The following AP1G1 variants were observed in gnomAD, a reference collection of about 807,000 sequenced individuals.
AP1G1 encodes AP-1 complex subunit gamma-1.
In AP1G1, 7 loss-of-function variants were observed where a neutral mutation model predicts 108.3. The ratio of observed to expected loss-of-function variants is 0.06; its 90% CI spans 0.04 to 0.12. The LOEUF (loss-of-function observed/expected upper bound fraction) is 0.12. Among genes scored for constraint, AP1G1 ranks in the 10% least tolerant of loss-of-function variants. The pLI is 1.00. For synonymous variants in AP1G1, 379 were observed against 353.5 expected (o/e 1.07, Z -0.81); for missense variants, 756 against 1,010.7 (o/e 0.75, Z 3.42).
chr16:71,787,571 G>T (rs767590337), intron 2 of AP1G1, among the ~76,000 whole-genome samples: 1 of 152,138 alleles, frequency 6.6e-6, no homozygotes, highest in East Asian at 1.9e-4. Context: ...AATGCTTATC[G>T]CTGAGGAATT....
chr16:71,750,894 C>A (rs188884835), intron 13 of AP1G1, among the ~76,000 whole-genome samples: 1 of 151,598 alleles, frequency 6.6e-6, no homozygotes, highest in Non-Finnish European at 1.5e-5. Context: ...TGGTGGCTCA[C>A]GCCTGTAATC....
chr16:71,774,694 T>C, intron 2 of AP1G1, 102 bp from the exon 3 acceptor site: 11 of 1,227,570 alleles, frequency 9.0e-6, no homozygotes, highest in Non-Finnish European at 1.1e-5. Context: ...TAAAGTAAAG[T>C]ACAAATGTGT....
At chr16:71,763,551 CTT>C (rs2031192013) in intron 9 of AP1G1, among the ~76,000 whole-genome samples, 1 of 152,086 alleles carries the variant, frequency 6.6e-6, no homozygotes, top group African/African-American at 2.4e-5. Flanking sequence ...AAGAACATGA[CTT>C]ATCTCTATGC....
intron 2 of AP1G1, among the ~76,000 whole-genome samples, chr16:71,783,972 T>C (rs757196140): frequency 3.3e-5 from 5 of 152,176 alleles, no homozygotes; most frequent in Non-Finnish European, 5.9e-5. Flanking sequence ...ATTTCTGGGT[T>C]GTGCTTAACC....
At chr16:71,791,496 T>C (rs1417577483) in intron 1 of AP1G1, among the ~76,000 whole-genome samples, 1 of 151,910 alleles carries the variant, frequency 6.6e-6, no homozygotes, top group Non-Finnish European at 1.5e-5. Flanking sequence ...ATGTTGTATG[T>C]AGATAGGGAA....
chr16:71,777,106 C>CAAAAAA (rs57955419), intron 2 of AP1G1, among the ~76,000 whole-genome samples: 9 of 48,054 alleles, frequency 1.9e-4, no homozygotes, highest in East Asian at 1.1e-3. Context: ...CAAACTGTTA[C>CAAAAAA]AAAAAAAAAA....
chr16:71,759,065 G>A (rs1343023561), intron 10 of AP1G1, 144 bp from the exon 11 acceptor site: 3 of 602,816 alleles, frequency 5.0e-6, no homozygotes, highest in Non-Finnish European at 8.6e-6. Flanking sequence ...GAACATAAAA[G>A]TAACATTTCA....
chr16:71,780,510 A>G (rs2031974690), intron 2 of AP1G1, among the ~76,000 whole-genome samples: 1 of 151,694 alleles, frequency 6.6e-6, no homozygotes, highest in Admixed American at 6.6e-5. Context: ...AAAAAAAAAA[A>G]AAAAAAATTG....
At chr16:71,744,571 GTTTT>G (rs71856788) in intron 19 of AP1G1, among the ~76,000 whole-genome samples, 4 of 114,408 alleles carry the variant, frequency 3.5e-5, no homozygotes, top group Non-Finnish European at 1.7e-5. Flanking sequence ...GAGAAAGTGT[GTTTT>G]TTTTTTTTTT....
chr16:71,806,762 G>A (rs1295844225), intron 1 of AP1G1: 1 of 1,258,940 alleles, frequency 7.9e-7, no homozygotes, highest in African/African-American at 1.5e-5. Flanking sequence ...CATTGCTTCA[G>A]GGTAATACAG....
intron 18 of AP1G1, 46 bp downstream of exon 18, chr16:71,745,427 A>T: frequency 6.2e-7 from 1 of 1,613,556 alleles, no homozygotes; most frequent in Non-Finnish European, 8.5e-7. Context: ...GTAAGGGACT[A>T]TAAAATCGTA....
intron 19 of AP1G1, among the ~76,000 whole-genome samples, chr16:71,744,188 G>T (rs893595707): frequency 6.6e-6 from 1 of 152,140 alleles, no homozygotes; most frequent in Admixed American, 6.5e-5. Context: ...AGGTTGCAGT[G>T]AGTCGAGATC....
chr16:71,755,963 A>G lies in AP1G1; in HGVS notation c.1229+56T>C, dbSNP rs2030764833. The G allele has an allele frequency of 3.8e-6, 6 of 1,565,514 alleles. No individual in the cohort carries two copies. The South Asian group carries it at 7.2e-5, about 19-fold the overall frequency. ...CCAGCCCCCTCCCCATGTTTTAAAG[A>G]CACTTCCAAAAGTTCCAAGCAGACT... On this transcript the variant is annotated intron_variant, in intron 12 of 22. Coordinates refer to ENST00000299980, the MANE Select transcript of AP1G1 (RefSeq NM_001128.6).
At chr16:71,771,033 T>C in intron 5 of AP1G1, 123 bp downstream of exon 5, 2 of 504,230 alleles carry the variant, frequency 4.0e-6, no homozygotes, top group Non-Finnish European at 6.8e-6. Flanking sequence ...CCTGGAAAAG[T>C]GTCTAAGGCA....
intron 1 of AP1G1, chr16:71,806,633 A>G (rs894861271): frequency 1.5e-5 from 17 of 1,160,596 alleles, no homozygotes; most frequent in Admixed American, 2.6e-5. Context: ...CTTACTTGAA[A>G]AGTCTAAGTC....
chr16:71,769,322 T>C (rs528241354), intron 6 of AP1G1, among the ~76,000 whole-genome samples: 2 of 152,096 alleles, frequency 1.3e-5, no homozygotes, highest in Admixed American at 1.3e-4. Context: ...CTATTTCTAA[T>C]TTGACCTCAG....
rs2045478097 is a variant in AP1G1, at chr16:71,731,842, G to C, written c.*1216C>G. 6.6e-6 allele frequency: 1 copy of C among 152,608 alleles called. No homozygotes were observed. The highest frequency in any genetic ancestry group is 2.4e-5 in the African/African-American group (1 of 41,434). The allele number at this position is 152,608 out of a possible 1,614,324, so 9.5% of individuals were successfully genotyped here. ...TGACATAGGGGTATGGAAGCTACAA[G>C]GCTTCACTCCAACACCATAAAGTAC... On this transcript the variant is annotated 3_prime_UTR_variant, in exon 23 of 23. Coordinates refer to ENST00000299980, the MANE Select transcript of AP1G1 (RefSeq NM_001128.6).
chr16:71,775,079 T>C (rs1185644214), intron 2 of AP1G1, among the ~76,000 whole-genome samples: 1 of 128,086 alleles, frequency 7.8e-6, no homozygotes, highest in Non-Finnish European at 1.6e-5. Flanking sequence ...CAGGCTAGAG[T>C]GCAATGGCGC....
chr16:71,771,251 GCC>G lies in AP1G1; in HGVS notation c.469-1_469del. ...GATGACATGAACAGCACACAGTGCT[GCC>G]TATGAAAAAAAAAATAAAAGAACAA... On this transcript the variant is annotated splice_acceptor_variant and coding_sequence_variant, in exon 5 of 23. Transcript: ENST00000299980. LOFTEE classifies it high-confidence loss of function. 2 of 1,529,214 alleles carry G rather than the reference GCC, an allele frequency of 1.3e-6. No individual in the cohort carries two copies. Among genetic ancestry groups the G allele is most frequent in the Non-Finnish European group, 1.8e-6 (2 of 1,138,192 alleles). The allele number at this position is 1,529,214 out of a possible 1,614,324, so 94.7% of individuals were successfully genotyped here.
Sources: gnomAD v4.1 joint callset for allele counts (sites outside exome capture counted in the v4.1 genomes callset) on GRCh38, gnomAD v4.1.1 for gene constraint, MANE v1.5 for transcripts, NCBI Gene and HGNC (gene_info 2026-07-23, HGNC 2026-07-21) for gene names.